SCLT1: variants seen among roughly 807,000 people sequenced by gnomAD.
SCLT1 encodes the protein sodium channel-associated protein 1.
In SCLT1, 78 loss-of-function variants were observed where a neutral mutation model predicts 112.8. That is an observed-to-expected ratio of 0.69 (90% confidence interval 0.58 to 0.83). The LOEUF (loss-of-function observed/expected upper bound fraction) is 0.83. Ranked by LOEUF, SCLT1 falls within the 40% of genes least tolerant of loss-of-function variation. The pLI, the probability that SCLT1 is intolerant of heterozygous loss-of-function variation, is 0.00. For missense variants in SCLT1, 747 were observed against 770.4 expected (o/e 0.97, Z 0.36); for synonymous variants, 257 against 254.7 (o/e 1.01, Z -0.09).
At chr4:129,085,736 C>A (rs974530373) in intron 1 of SCLT1, among the ~76,000 whole-genome samples, 61 of 152,218 alleles carry the variant, frequency 4.0e-4, no homozygotes, top group African/African-American at 1.4e-3. Flanking sequence ...AGCTGGAGAC[C>A]ATTATCCTTA....
rs1283519706 is a variant in SCLT1 at position 129,003,740 on chromosome 4, C to T, written c.426+1G>A. On this transcript the variant is annotated splice_donor_variant, in intron 6 of 20. Transcript: ENST00000281142. LOFTEE classifies it high-confidence loss of function. ...AATTTTTAAAAATACATGTCACTCACTTGATTGGCTAGCTGCAATTGTTCT... is the reference window on the plus strand; with the variant it reads ...AATTTTTAAAAATACATGTCACTCATTTGATTGGCTAGCTGCAATTGTTCT... 4 of 1,597,578 alleles carry T rather than the reference C, an allele frequency of 2.5e-6. No homozygotes were observed. The highest frequency in any genetic ancestry group is 2.6e-6 in the Non-Finnish European group (3 of 1,173,862).
chr4:128,876,301 T>A (rs1732518499), intron 4 of SCLT1, among the ~76,000 whole-genome samples: 2 of 152,186 alleles, frequency 1.3e-5, no homozygotes, highest in South Asian at 4.1e-4. Context: ...TATTGCTTGC[T>A]CTGAGTAAGA....
At chr4:129,074,032 T>C (rs779114263) in intron 2 of SCLT1, among the ~76,000 whole-genome samples, 4 of 152,202 alleles carry the variant, frequency 2.6e-5, no homozygotes, top group Non-Finnish European at 2.9e-5. Flanking sequence ...TATGCTACAT[T>C]TTCAAGAAAC....
At chr4:128,958,270 A>G (rs1264541439) in intron 12 of SCLT1, among the ~76,000 whole-genome samples, 1 of 152,132 alleles carries the variant, frequency 6.6e-6, no homozygotes. Context: ...CAAGTAAGCT[A>G]GTGAGAAGTA....
intron 3 of SCLT1, among the ~76,000 whole-genome samples, chr4:128,877,675 G>C (rs887975250): frequency 2.0e-5 from 3 of 150,962 alleles, no homozygotes; most frequent in African/African-American, 7.3e-5. Flanking sequence ...AGTGAGACTC[G>C]GTCTCAAAAA....
intron 5 of SCLT1, among the ~76,000 whole-genome samples, chr4:129,006,349 C>T (rs1469119363): frequency 6.6e-6 from 1 of 151,766 alleles, no homozygotes; most frequent in African/African-American, 2.4e-5. Context: ...ACCAGCCTGG[C>T]CAATGTGGTG....
intron 9 of SCLT1, among the ~76,000 whole-genome samples, chr4:128,988,396 T>A (rs1449708725): frequency 2.0e-5 from 3 of 152,020 alleles, no homozygotes; most frequent in African/African-American, 7.2e-5. Context: ...TTCTTTATAA[T>A]CAGAGTTAAG....
At position 129,038,586 on chromosome 4, in the gene SCLT1, A is replaced by T. The variant is rs538789302; in HGVS notation, c.290+455T>A. On this transcript the variant is annotated intron_variant, in intron 5 of 20. Transcript: ENST00000281142. ...GTGTTTATCTCTGGCAGAGAGAAAG[A>T]GAAGGATGGGAAATGGAAGAAAAAC... Among the ~76,000 whole-genome samples the T allele has an allele frequency of 3.9e-5, 6 of 152,322 alleles. No homozygotes were observed. The South Asian group carries it at 1.2e-3, about 32-fold the overall frequency.
chr4:129,052,186 T>C (rs1203558271), intron 2 of SCLT1, among the ~76,000 whole-genome samples: 2 of 152,184 alleles, frequency 1.3e-5, no homozygotes, highest in Admixed American at 1.3e-4. Flanking sequence ...TGAAATTTTC[T>C]TTTTTTGTTG....
intron 5 of SCLT1, among the ~76,000 whole-genome samples, chr4:129,011,207 T>G (rs1464136504): frequency 6.6e-6 from 1 of 152,232 alleles, no homozygotes; most frequent in Non-Finnish European, 1.5e-5. Flanking sequence ...TCTGTTTATG[T>G]GATGAATCAC....
intron 6 of SCLT1, among the ~76,000 whole-genome samples, chr4:129,002,545 T>C (rs1023301000): frequency 1.3e-5 from 2 of 151,958 alleles, no homozygotes; most frequent in African/African-American, 2.4e-5. Context: ...AAATTTTCAT[T>C]GACATTAAAA....
In SCLT1 at chr4:128,901,672, A is replaced by T. The variant is rs190065986; in HGVS notation, c.1830-10535T>A. On this transcript the variant is annotated intron_variant, in intron 18 of 20. Coordinates refer to ENST00000281142, the MANE Select transcript of SCLT1 (RefSeq NM_144643.4). ...TGTACCCTAAAACTTAAAGTATAAT[A>T]AAAAAAAAATTAAAAAAAAAGACTG... 2.6e-4 allele frequency among the ~76,000 whole-genome samples: 38 copies of T among 146,294 alleles called. 1 individual carries two copies. The highest frequency in any genetic ancestry group is 3.4e-3 in the Middle Eastern group (1 of 290).
chr4:129,016,035 C>G (rs997813622), intron 5 of SCLT1, among the ~76,000 whole-genome samples: 3 of 151,982 alleles, frequency 2.0e-5, no homozygotes, highest in Non-Finnish European at 2.9e-5. Flanking sequence ...GATTAATTAT[C>G]TTGTTATGTC....
At chr4:129,009,532 A>T (rs1370817154) in intron 5 of SCLT1, among the ~76,000 whole-genome samples, 1 of 151,872 alleles carries the variant, frequency 6.6e-6, no homozygotes, top group South Asian at 2.1e-4. Context: ...AAAAAAAAAA[A>T]AAAGAATCCA....
Position 129,026,975 on chromosome 4 carries a change from C to T in SCLT1, c.290+12066G>A, listed in dbSNP as rs567962198. Among the ~76,000 whole-genome samples, 752 of 152,240 alleles carry T rather than the reference C, an allele frequency of 4.9e-3. 6 individuals carry two copies. Among genetic ancestry groups the T allele is most frequent in the African/African-American group, 0.017 (709 of 41,536 alleles). ...GAAGAAATGGATAAATTCCTCGACA[C>T]ATACACCCTCCCAAGACTAAACCAG... On this transcript the variant is annotated intron_variant, in intron 5 of 20. Coordinates refer to ENST00000281142, the MANE Select transcript of SCLT1 (RefSeq NM_144643.4).
At chr4:128,934,160 G>T (rs1161618255) in intron 18 of SCLT1, among the ~76,000 whole-genome samples, 4 of 151,884 alleles carry the variant, frequency 2.6e-5, no homozygotes, top group African/African-American at 9.6e-5. Context: ...TTCATTCAAA[G>T]AAGTCTAGCC....
intron 18 of SCLT1, among the ~76,000 whole-genome samples, chr4:128,908,544 T>G (rs1734863390): frequency 6.6e-6 from 1 of 152,172 alleles, no homozygotes; most frequent in Non-Finnish European, 1.5e-5. Context: ...GAATATTACA[T>G]ACTGTATATT....
At chr4:128,966,552 T>C (rs1009435232) in intron 10 of SCLT1, among the ~76,000 whole-genome samples, 8 of 152,206 alleles carry the variant, frequency 5.3e-5, no homozygotes, top group Non-Finnish European at 8.8e-5. Context: ...TTTAAAGATA[T>C]TAAGAGAAAA....
chr4:128,890,592 A>T (rs1733232450), intron 19 of SCLT1, among the ~76,000 whole-genome samples: 1 of 152,164 alleles, frequency 6.6e-6, no homozygotes, highest in African/African-American at 2.4e-5. Flanking sequence ...TAATCCAAAA[A>T]TTGTTTACTT....
Sources: gnomAD v4.1 joint callset for allele counts (sites outside exome capture counted in the v4.1 genomes callset) on GRCh38, gnomAD v4.1.1 for gene constraint, MANE v1.5 for transcripts, NCBI Gene and HGNC (gene_info 2026-07-23, HGNC 2026-07-21) for gene names.